Variants in PADI4 observed in about 807,000 individuals in gnomAD.
PADI4 encodes protein-arginine deiminase type-4.
A neutral mutation model predicts 75.0 loss-of-function variants in PADI4; 62 were observed. The ratio of observed to expected loss-of-function variants is 0.83; its 90% CI spans 0.67 to 1.02. The LOEUF is 1.02. PADI4 is among the 50% of genes least tolerant of loss of function. PADI4 has a pLI of 0.00. For missense variants in PADI4, 845 were observed against 850.5 expected (o/e 0.99, Z 0.08); for synonymous variants, 361 against 348.1 (o/e 1.04, Z -0.41).
chr1:17,316,725 A>AG (rs2073946188), intron 1 of PADI4, among the ~76,000 whole-genome samples: 1 of 149,086 alleles, frequency 6.7e-6, no homozygotes, highest in East Asian at 1.9e-4. Context: ...TAATTAATTA[A>AG]TTAATTAAAA....
chr1:17,348,739 G>A (rs942042552), intron 10 of PADI4: 1 of 152,202 alleles, frequency 6.6e-6, no homozygotes, highest in African/African-American at 2.4e-5. Flanking sequence ...AAGAAACTGA[G>A]GCTCAGAGTG....
Position 17,346,607 on chromosome 1 carries a change from C to T in PADI4, c.1047+468C>T, listed in dbSNP as rs35210719. The stretch of plus-strand genomic sequence containing the variant: ...CCCTGGGGCCAGCCTGCCACTGTGC[C>T]TGGAAACACATGATTACCAGTCTCT... On this transcript the variant is annotated intron_variant, in intron 9 of 15. Transcript: ENST00000375448. The surrounding 1 kb of genome is among the most constrained non-coding windows in gnomAD (Gnocchi z 4.3). 0.45 allele frequency among the ~76,000 whole-genome samples: 68,614 copies of T among 151,890 alleles called. 16,001 individuals carry two copies. The highest frequency in any genetic ancestry group is 0.63 in the East Asian group (3,255 of 5,126).
At chr1:17,328,272 C>A (rs12733748) in intron 1 of PADI4, among the ~76,000 whole-genome samples, 1 of 152,068 alleles carries the variant, frequency 6.6e-6, no homozygotes, top group African/African-American at 2.4e-5. Context: ...AATCCTCCTG[C>A]CTTTGCCTCC....
chr1:17,309,119 G>A (rs942125682), intron 1 of PADI4, among the ~76,000 whole-genome samples: 3 of 143,904 alleles, frequency 2.1e-5, no homozygotes, highest in Non-Finnish European at 3.0e-5. Flanking sequence ...ATTTTAAAAC[G>A]TGTAAGCAAA....
intron 8 of PADI4, among the ~76,000 whole-genome samples, chr1:17,343,874 G>T (rs187900895): frequency 6.6e-6 from 1 of 152,094 alleles, no homozygotes; most frequent in Non-Finnish European, 1.5e-5. Context: ...TATCAGCAGC[G>T]TGAAAATGGA....
chr1:17,333,276 T>C (rs760882644), intron 2 of PADI4, among the ~76,000 whole-genome samples: 6 of 152,044 alleles, frequency 3.9e-5, no homozygotes, highest in Non-Finnish European at 7.4e-5. Flanking sequence ...ACAGGGCAGG[T>C]CCGAGCACCT....
chr1:17,309,848 G>A (rs1446799301), intron 1 of PADI4, among the ~76,000 whole-genome samples: 2 of 152,200 alleles, frequency 1.3e-5, no homozygotes, highest in Admixed American at 1.3e-4. Context: ...TCTGAGAATG[G>A]GTGTGAAGGA....
intron 15 of PADI4, among the ~76,000 whole-genome samples, 157 bp from the exon 16 acceptor site, chr1:17,363,365 C>CT (rs1297655446): frequency 1.3e-5 from 2 of 152,174 alleles, no homozygotes; most frequent in Admixed American, 1.3e-4. Context: ...TCAAGCGATC[C>CT]TCCTGCCTCA....
chr1:17,338,198 G>A (rs1439286858), intron 5 of PADI4, 43 bp downstream of exon 5: 1 of 1,264,170 alleles, frequency 7.9e-7, no homozygotes, highest in Non-Finnish European at 1.2e-6. Flanking sequence ...TTTTTATAAA[G>A]CCCTTTTGCC....
At position 17,333,174 on chromosome 1, in the gene PADI4, G is replaced by A. The variant is rs72916871; in HGVS notation, c.274-769G>A. Among the ~76,000 whole-genome samples the A allele has an allele frequency of 8.6e-3, 1,303 of 152,264 alleles. 24 individuals are homozygous for A. Among genetic ancestry groups the A allele is most frequent in the African/African-American group, 0.03 (1,231 of 41,560 alleles). On this transcript the variant is annotated intron_variant, in intron 2 of 15. Transcript: ENST00000375448. ...GCAAGTAGATAGGATCTAGGGAGTGGGTGGGAGGCAGGGAGACCAGACAGA... is the reference window on the plus strand; with the variant it reads ...GCAAGTAGATAGGATCTAGGGAGTGAGTGGGAGGCAGGGAGACCAGACAGA...
In PADI4 at chr1:17,339,696, G is replaced by A. The variant is rs373664151; in HGVS notation, c.535G>A (p.Asp179Asn). 1.4e-5 allele frequency: 23 copies of A among 1,613,852 alleles called. No homozygotes were observed. The highest frequency in any genetic ancestry group is 1.6e-4 in the Middle Eastern group (1 of 6,062). The change falls in exon 6 of 16, where the codon GAC (aspartate) becomes AAC (asparagine). Residue 179 changes from aspartate to asparagine, a missense_variant. Physicochemically the swap from Asp to Asn is conservative, Grantham distance 23. Transcript: ENST00000375448. The stretch of plus-strand genomic sequence containing the variant: ...TGCCCTTCTCATCCCAGACCTGCAG[G>A]ACATGTCGCTGATGACCCTGAGCAC... Reference protein sequence around the residue: ...DEVLDSEDLQDMSLMTLSTKT... With the variant: ...DEVLDSEDLQNMSLMTLSTKT...
At chr1:17,327,554 T>C (rs1013915656) in intron 1 of PADI4, among the ~76,000 whole-genome samples, 4 of 151,860 alleles carry the variant, frequency 2.6e-5, no homozygotes, top group Admixed American at 1.3e-4. Flanking sequence ...TACTTTTTTT[T>C]TTTTTGAGAT....
rs1467277552 is a variant in PADI4 at position 17,350,671 on chromosome 1, C to G, written c.1155+2623C>G. 2.3e-5 allele frequency among the ~76,000 whole-genome samples: 3 copies of G among 130,502 alleles called. 1 individual carries two copies. In the Admixed American group the frequency reaches 2.5e-4, roughly 11 times the overall value. The allele number at this position is 130,502 out of a possible 152,430, so 85.6% of individuals were successfully genotyped here. ...CTGAAGGCTGTATAACTGACCCCCTCTCACAACAACAGCCAGGGCAGTGAT... is the reference window on the plus strand; with the variant it reads ...CTGAAGGCTGTATAACTGACCCCCTGTCACAACAACAGCCAGGGCAGTGAT... On this transcript the variant is annotated intron_variant, in intron 10 of 15. Transcript: ENST00000375448.
chr1:17,316,707 AAATTAATTAATTAATT>A (rs71305228), intron 1 of PADI4, among the ~76,000 whole-genome samples: 1 of 148,218 alleles, frequency 6.7e-6, no homozygotes, highest in Non-Finnish European at 1.5e-5. Flanking sequence ...ATAAATAAAT[AAATTAATTAATTAATT>A]AATTAATTAA....
chr1:17,321,421 A>C (rs2074030816), intron 1 of PADI4, among the ~76,000 whole-genome samples: 1 of 152,128 alleles, frequency 6.6e-6, no homozygotes, highest in Non-Finnish European at 1.5e-5. Flanking sequence ...AAGTGACTTC[A>C]CCTCTCTGTG....
At chr1:17,348,117 G>T (rs1250922609) in intron 10 of PADI4, 69 bp downstream of exon 10, 2 of 1,014,292 alleles carry the variant, frequency 2.0e-6, no homozygotes, top group South Asian at 2.6e-5. Context: ...CCTCCTTTTA[G>T]CCTGCCTTCC....
chr1:17,350,135 A>T (rs4450060), intron 10 of PADI4, among the ~76,000 whole-genome samples: 43,166 of 125,804 alleles, frequency 0.34, 13,224 homozygotes, highest in Non-Finnish European at 0.37. Context: ...AAAATCATGG[A>T]CTCGTTCATC....
At position 17,359,308 on chromosome 1, in the gene PADI4, T is replaced by C. The variant is rs1472044689; in HGVS notation, c.1658T>C (p.Leu553Pro). ...TGCATCGACTGGAACCGCGAGCTGC[T>C]GAAGCGGGAGCTGGGCCTGGCCGAG... ...ERCIDWNREL[L>P]KRELGLAESD... The change falls in exon 15 of 16, where the codon CTG becomes CCG. Residue 553 changes from leucine to proline, a missense_variant. Coordinates refer to ENST00000375448, the MANE Select transcript of PADI4 (RefSeq NM_012387.3). 6.3e-7 allele frequency: 1 copy of C among 1,579,382 alleles called. No individual in the cohort carries two copies. The highest frequency in any genetic ancestry group is 1.1e-5 in the South Asian group (1 of 90,576).
intron 1 of PADI4, among the ~76,000 whole-genome samples, chr1:17,327,967 G>T (rs1438900895): frequency 6.6e-6 from 1 of 151,948 alleles, no homozygotes; most frequent in African/African-American, 2.4e-5. Flanking sequence ...TTTTTTCCAT[G>T]TGTAGAAATT....
Sources: allele counts gnomAD v4.1 joint callset (sites outside exome capture counted in the v4.1 genomes callset), GRCh38; gene constraint gnomAD v4.1.1; non-coding constraint Gnocchi (gnomAD v3.1); transcripts MANE v1.5; gene names NCBI Gene and HGNC (gene_info 2026-07-23, HGNC 2026-07-21).